TXNRD1: variants seen among roughly 807,000 people sequenced by gnomAD.
TXNRD1 encodes the protein thioredoxin reductase 1, cytoplasmic.
Under a neutral mutation model 80.3 loss-of-function variants are expected in TXNRD1, and 57 were observed. The observed-to-expected ratio is 0.71, with a 90% confidence interval of 0.57 to 0.89. The LOEUF is 0.89. TXNRD1 is among the 40% of genes least tolerant of loss of function. The probability of loss-of-function intolerance (pLI) is 0.00; values close to 1 mark genes in which losing one functional copy is unlikely to be tolerated. For synonymous variants in TXNRD1, 291 were observed against 285.2 expected, an observed-to-expected ratio of 1.02 and a Z score of -0.20; for missense variants, 730 against 803.0, an observed-to-expected ratio of 0.91 and a Z score of 1.10.
rs753325899 is a variant in TXNRD1 at position 104,348,445 on chromosome 12, A to C, written c.*24A>C. ...AAGCCCCAGTGTGGATGCTGTTGCCAAGACTGCAAACCACTGGCTCGTTTC... is the reference window on the plus strand; with the variant it reads ...AAGCCCCAGTGTGGATGCTGTTGCCCAGACTGCAAACCACTGGCTCGTTTC... On this transcript the variant is annotated 3_prime_UTR_variant, in exon 17 of 17. Coordinates refer to ENST00000525566, the MANE Select transcript of TXNRD1 (RefSeq NM_001093771.3). 4.2e-5 allele frequency: 68 copies of C among 1,612,794 alleles called. No individual in the cohort carries two copies. The South Asian group carries it at 7.0e-4, about 17-fold the overall frequency.
At chr12:104,313,198 C>T in intron 5 of TXNRD1, 47 bp from the exon 6 acceptor site, 1 of 1,457,374 alleles carries the variant, frequency 6.9e-7, no homozygotes, top group South Asian at 1.2e-5. Context: ...CATTTCCAAT[C>T]TGTCATGTTA....
intron 1 of TXNRD1, among the ~76,000 whole-genome samples, chr12:104,219,141 C>A (rs753525347): frequency 3.9e-5 from 6 of 151,978 alleles, no homozygotes; most frequent in Non-Finnish European, 8.8e-5. Flanking sequence ...ATAGGTCTCA[C>A]TAAGCAACAG....
chr12:104,308,467 AT>A (rs1212707233), intron 4 of TXNRD1, among the ~76,000 whole-genome samples: 46 of 152,308 alleles, frequency 3.0e-4, no homozygotes, highest in African/African-American at 9.9e-4. Flanking sequence ...TAATTAAAAA[AT>A]TTTTTAAAAT....
chr12:104,250,735 C>T (rs2033100853), intron 1 of TXNRD1, among the ~76,000 whole-genome samples: 1 of 152,166 alleles, frequency 6.6e-6, no homozygotes, highest in African/African-American at 2.4e-5. Flanking sequence ...GAATGGCTTA[C>T]TTGGATCAGC....
intron 10 of TXNRD1, 73 bp downstream of exon 10, chr12:104,321,389 G>A: frequency 8.3e-7 from 1 of 1,198,136 alleles, no homozygotes; most frequent in Non-Finnish European, 1.2e-6. Flanking sequence ...TGAGTTGGTG[G>A]TAGAAGCATC....
chr12:104,288,013 C>T (rs757212784), intron 3 of TXNRD1, among the ~76,000 whole-genome samples: 1 of 151,988 alleles, frequency 6.6e-6, no homozygotes, highest in Non-Finnish European at 1.5e-5. Context: ...TTTTTTGAGA[C>T]GGAGTCTCAT....
intron 2 of TXNRD1, among the ~76,000 whole-genome samples, chr12:104,254,630 G>GAA (rs760022093): frequency 0.013 from 229 of 17,262 alleles, 6 homozygotes; most frequent in East Asian, 0.033. Flanking sequence ...TATGTCTATG[G>GAA]AAAAAAAAAA....
Position 104,251,607 on chromosome 12 carries a change from C to T in TXNRD1, c.172C>T (p.Leu58=), listed in dbSNP as rs2033119328. 2 of 1,613,988 alleles carry T rather than the reference C, an allele frequency of 1.2e-6. No homozygotes were observed. The highest frequency in any genetic ancestry group is 2.7e-5 in the African/African-American group (2 of 75,052). ...CACGGCCACTGCAGACTCCAGAGCCCTGCTTCAGGCCTATATAGATGGTCA... is the reference window on the plus strand; with the variant it reads ...CACGGCCACTGCAGACTCCAGAGCCTTGCTTCAGGCCTATATAGATGGTCA... The part of the protein sequence containing the change: ...TSTATADSRA[L]LQAYIDGHSV... The change falls in exon 2 of 17, where the codon CTG becomes TTG. Residue 58 remains leucine, a synonymous_variant. Coordinates refer to ENST00000525566, the MANE Select transcript of TXNRD1 (RefSeq NM_001093771.3).
chr12:104,331,813 T>C (rs34419790), intron 14 of TXNRD1, among the ~76,000 whole-genome samples, 172 bp downstream of exon 14: 1 of 144,934 alleles, frequency 6.9e-6, no homozygotes, highest in African/African-American at 2.6e-5. Context: ...TAGTAGTCTC[T>C]CATTCTGTGT....
chr12:104,229,606 T>A (rs1268187349), intron 1 of TXNRD1, among the ~76,000 whole-genome samples: 3 of 151,348 alleles, frequency 2.0e-5, no homozygotes, highest in Non-Finnish European at 1.5e-5. Context: ...TTATTTATTT[T>A]TTTTGAGATG....
chr12:104,282,462 T>C (rs1253146385), intron 3 of TXNRD1, among the ~76,000 whole-genome samples: 6 of 152,206 alleles, frequency 3.9e-5, no homozygotes, highest in Non-Finnish European at 7.3e-5. Flanking sequence ...ACCTCCTCTT[T>C]CCTCTGCTTA....
intron 3 of TXNRD1, among the ~76,000 whole-genome samples, chr12:104,277,457 G>T (rs2033780696): frequency 6.6e-6 from 1 of 151,946 alleles, no homozygotes; most frequent in South Asian, 2.1e-4. Context: ...CAGCTACTTG[G>T]GAAGCTGAGG....
At chr12:104,302,696 A>G (rs2034686528) in intron 4 of TXNRD1, among the ~76,000 whole-genome samples, 1 of 150,982 alleles carries the variant, frequency 6.6e-6, no homozygotes, top group African/African-American at 2.4e-5. Context: ...TCACCGGGTT[A>G]GCCAAGATGG....
intron 8 of TXNRD1, 50 bp from the exon 9 acceptor site, chr12:104,319,420 A>T: frequency 8.1e-7 from 1 of 1,238,008 alleles, no homozygotes; most frequent in Admixed American, 2.2e-5. Context: ...GAAGTTTACA[A>T]TTCTGAGGAA....
At chr12:104,234,631 A>G (rs955494559) in intron 1 of TXNRD1, among the ~76,000 whole-genome samples, 6 of 90,446 alleles carry the variant, frequency 6.6e-5, no homozygotes, top group Middle Eastern at 5.0e-3. Flanking sequence ...AACATTTTAA[A>G]GTCAGGGAAA....
chr12:104,304,287 C>T, intron 4 of TXNRD1: 4 of 1,614,008 alleles, frequency 2.5e-6, no homozygotes, highest in Non-Finnish European at 3.4e-6. Context: ...AATCAGTTAG[C>T]ATTTTGTGAC....
intron 3 of TXNRD1, among the ~76,000 whole-genome samples, chr12:104,262,143 A>G (rs2135713966): frequency 6.7e-6 from 1 of 149,802 alleles, no homozygotes; most frequent in African/African-American, 2.5e-5. Flanking sequence ...GAGGCAGGAG[A>G]ATTGCTTGAA....
At chr12:104,234,737 AGC>A in intron 1 of TXNRD1, among the ~76,000 whole-genome samples, 1 of 151,854 alleles carries the variant, frequency 6.6e-6, no homozygotes, top group East Asian at 1.9e-4. Flanking sequence ...CTCTAACTGC[AGC>A]TAGAACAGGC....
intron 4 of TXNRD1, among the ~76,000 whole-genome samples, chr12:104,290,622 C>T (rs1346126064): frequency 6.7e-6 from 1 of 149,002 alleles, no homozygotes; most frequent in African/African-American, 2.5e-5. Context: ...TCAACTTGAA[C>T]CTGGAGGTGG....
Sources: gnomAD v4.1 joint callset for allele counts (sites outside exome capture counted in the v4.1 genomes callset) on GRCh38, gnomAD v4.1.1 for gene constraint, MANE v1.5 for transcripts, NCBI Gene and HGNC (gene_info 2026-07-23, HGNC 2026-07-21) for gene names.